Variants in MXI1 observed in about 807,000 individuals in gnomAD.
The protein encoded by MXI1 is max-interacting protein 1.
MXI1 carries 18 observed loss-of-function variants against 36.9 expected under a neutral mutation model. That is an observed-to-expected ratio of 0.49 (90% CI 0.34 to 0.72). The LOEUF is 0.72. Among genes scored for constraint, MXI1 ranks in the 30% least tolerant of loss-of-function variants. The pLI is 0.01. For synonymous variants in MXI1, 160 were observed against 146.7 expected, an observed-to-expected ratio of 1.09 and a Z score of -0.65; for missense variants, 304 against 379.1, an observed-to-expected ratio of 0.80 and a Z score of 1.64.
chr10:110,266,021 G>C (rs1564722324), intron 3 of MXI1, among the ~76,000 whole-genome samples: 1 of 152,140 alleles, frequency 6.6e-6, no homozygotes, highest in Non-Finnish European at 1.5e-5. Flanking sequence ...GAGTACATTT[G>C]GAGAATGTGA....
intron 1 of MXI1, chr10:110,227,799 T>G: frequency 5.0e-6 from 1 of 199,016 alleles, no homozygotes. Flanking sequence ...CACAAAAATA[T>G]TGGGCTTAAA....
chr10:110,207,799 C>G lies in MXI1; in HGVS notation c.-10C>G. 8.9e-7 allele frequency: 1 copy of G among 1,128,460 alleles called. No individual in the cohort carries two copies. Among genetic ancestry groups the G allele is most frequent in the Non-Finnish European group, 1.1e-6 (1 of 920,148 alleles). The allele number at this position is 1,128,460 out of a possible 1,614,324, so 69.9% of individuals were successfully genotyped here. A position where few individuals can be genotyped will look rare whatever the true frequency, so the allele number is the denominator to read the frequency against. On this transcript the variant is annotated 5_prime_UTR_variant, in exon 1 of 6. Coordinates refer to ENST00000332674, the MANE Select transcript of MXI1 (RefSeq NM_130439.3). ...GTTAGAGGACGAGCTCGGCGGACCC[C>G]CGCTCCTCCATGGGCAAACGCGGGC...
At chr10:110,224,741 G>A (rs1046063623) in intron 1 of MXI1, among the ~76,000 whole-genome samples, 3 of 150,158 alleles carry the variant, frequency 2.0e-5, no homozygotes, top group Non-Finnish European at 3.0e-5. Flanking sequence ...TCCGCCTCCC[G>A]GGTTCAAGCG....
At chr10:110,216,665 G>GTTTTTTTTTTGTTTTTTT (rs1854645560) in intron 1 of MXI1, among the ~76,000 whole-genome samples, 36 of 79,060 alleles carry the variant, frequency 4.6e-4, no homozygotes, top group African/African-American at 2.9e-3. Context: ...TGTGTTTAAT[G>GTTTTTTTTTTGTTTTTTT]TTTTTTTTTT....
intron 5 of MXI1, among the ~76,000 whole-genome samples, chr10:110,281,482 A>T (rs1462824533): frequency 6.6e-6 from 1 of 152,116 alleles, no homozygotes; most frequent in Non-Finnish European, 1.5e-5. Context: ...CATTTGTTTG[A>T]TGTGCCTTTT....
intron 1 of MXI1, among the ~76,000 whole-genome samples, chr10:110,216,024 A>G (rs530751334): frequency 5.8e-4 from 89 of 152,230 alleles, no homozygotes; most frequent in Non-Finnish European, 1.2e-3. Flanking sequence ...TAGAGGTGTT[A>G]AAGCTGTCAA....
chr10:110,210,134 C>T (rs1313174187), intron 1 of MXI1: 1 of 466,716 alleles, frequency 2.1e-6, no homozygotes. Flanking sequence ...AGCAGAGAGC[C>T]GGGCGCGCCG....
At chr10:110,244,648 G>C (rs1167095629) in intron 2 of MXI1, among the ~76,000 whole-genome samples, 180 bp from the exon 3 acceptor site, 2 of 151,982 alleles carry the variant, frequency 1.3e-5, no homozygotes, top group Non-Finnish European at 2.9e-5. Flanking sequence ...TACTATATTT[G>C]TATAAACAAT....
At chr10:110,240,797 A>G (rs940358563) in intron 2 of MXI1, among the ~76,000 whole-genome samples, 3 of 152,034 alleles carry the variant, frequency 2.0e-5, no homozygotes, top group African/African-American at 7.2e-5. Flanking sequence ...GTGGAGGGCA[A>G]CATCTGTGAG....
Position 110,277,342 on chromosome 10 carries a change from C to T in MXI1, c.438-1838C>T, listed in dbSNP as rs927020669. Among the ~76,000 whole-genome samples, 15 of 152,116 alleles carry T rather than the reference C, an allele frequency of 9.9e-5. No homozygotes were observed. The South Asian group carries it at 1.9e-3, about 19-fold the overall frequency. On this transcript the variant is annotated intron_variant, in intron 3 of 5. Coordinates refer to ENST00000332674, the MANE Select transcript of MXI1 (RefSeq NM_130439.3). Reference sequence around the variant, plus strand: ...GTGTAGCTGCCAGTCTTTGTTTCCACGCTCCAGTCATATTATATGAGTGCA... The same window carrying T: ...GTGTAGCTGCCAGTCTTTGTTTCCATGCTCCAGTCATATTATATGAGTGCA...
chr10:110,257,926 A>G (rs1856375895), intron 3 of MXI1: 1 of 163,528 alleles, frequency 6.1e-6, no homozygotes, highest in African/African-American at 2.4e-5. Flanking sequence ...TATAGGTTTT[A>G]AGGATTTCTA....
At chr10:110,210,832 G>T (rs1854493905) in intron 1 of MXI1, among the ~76,000 whole-genome samples, 1 of 152,252 alleles carries the variant, frequency 6.6e-6, no homozygotes, top group African/African-American at 2.4e-5. Flanking sequence ...TCGGGGGGCG[G>T]GTCGTGCGTG....
chr10:110,208,170 C>T, intron 1 of MXI1, 88 bp downstream of exon 1: 2 of 1,050,630 alleles, frequency 1.9e-6, no homozygotes, highest in East Asian at 4.3e-5. Context: ...CTCGGCCCGT[C>T]CCCCCCCCGC....
chr10:110,224,371 C>T (rs1854900791), intron 1 of MXI1, among the ~76,000 whole-genome samples: 1 of 152,150 alleles, frequency 6.6e-6, no homozygotes, highest in African/African-American at 2.4e-5. Flanking sequence ...GGATTTTGTG[C>T]CCCAGGAGAT....
At chr10:110,279,878 C>CTA in intron 4 of MXI1, 36 bp from the exon 5 acceptor site, 1 of 1,548,366 alleles carries the variant, frequency 6.5e-7, no homozygotes, top group Non-Finnish European at 8.8e-7. Context: ...TTGTACTGGA[C>CTA]TATACACAAA....
chr10:110,276,172 G>T (rs1021368567), intron 3 of MXI1, among the ~76,000 whole-genome samples: 2 of 152,066 alleles, frequency 1.3e-5, no homozygotes, highest in African/African-American at 4.8e-5. Flanking sequence ...TTTAAACTTG[G>T]TCCCAGTCTA....
intron 3 of MXI1, among the ~76,000 whole-genome samples, chr10:110,275,848 A>C (rs1417758546): frequency 2.0e-5 from 3 of 152,338 alleles, no homozygotes; most frequent in Admixed American, 2.0e-4. Context: ...GTATTTACAA[A>C]ATATGAAGAA....
At chr10:110,277,570 AG>A in intron 3 of MXI1, among the ~76,000 whole-genome samples, 1 of 152,350 alleles carries the variant, frequency 6.6e-6, no homozygotes, top group East Asian at 1.9e-4. Flanking sequence ...GTAGTACAGC[AG>A]GGGAGGAAAG....
At chr10:110,223,891 A>T (rs1854886191) in intron 1 of MXI1, among the ~76,000 whole-genome samples, 1 of 152,040 alleles carries the variant, frequency 6.6e-6, no homozygotes, top group African/African-American at 2.4e-5. Flanking sequence ...CATTTGATGG[A>T]ACGTCTATTT....
Sources: gnomAD v4.1 joint callset for allele counts (sites outside exome capture counted in the v4.1 genomes callset) on GRCh38, gnomAD v4.1.1 for gene constraint, MANE v1.5 for transcripts, NCBI Gene and HGNC (gene_info 2026-07-23, HGNC 2026-07-21) for gene names.